Variants in SNX2 observed in about 807,000 individuals in gnomAD.
The protein encoded by SNX2 is sorting nexin-2.
In SNX2, 25 loss-of-function variants were observed where a neutral mutation model predicts 69.9. The ratio of observed to expected loss-of-function variants is 0.36; its 90% CI spans 0.26 to 0.50. SNX2 has a LOEUF of 0.50. Among genes scored for constraint, SNX2 ranks in the 20% least tolerant of loss-of-function variants. The pLI is 0.97. For synonymous variants in SNX2, 229 were observed against 200.4 expected, an observed-to-expected ratio of 1.14 and a Z score of -1.20; for missense variants, 551 against 613.3, an observed-to-expected ratio of 0.90 and a Z score of 1.07.
intron 1 of SNX2, among the ~76,000 whole-genome samples, chr5:122,783,454 G>A (rs576090502): frequency 6.0e-4 from 91 of 152,172 alleles, no homozygotes; most frequent in African/African-American, 2.0e-3. Flanking sequence ...TGTACATTTA[G>A]GATTCATGTT....
chr5:122,817,526 AT>A (rs34164985), intron 10 of SNX2, among the ~76,000 whole-genome samples, 153 bp downstream of exon 10: 30,930 of 151,958 alleles, frequency 0.2, 3,576 homozygotes, highest in East Asian at 0.46. Context: ...TATTATGTAA[AT>A]TTTTTTTGTT....
In SNX2 at chr5:122,795,340, C is replaced by A; in HGVS notation, c.183C>A (p.Pro61=). ...DISANSNGPK[P]TEVVLDDDRE... Reference sequence around the variant, plus strand: ...GTGCAAACTCCAATGGCCCAAAACCCACAGAAGTTGTATTAGATGATGACA... The same window carrying A: ...GTGCAAACTCCAATGGCCCAAAACCAACAGAAGTTGTATTAGATGATGACA... Residue 61 remains proline, a synonymous_variant, in exon 2 of 15, where the codon CCC becomes CCA. Coordinates refer to ENST00000379516, the MANE Select transcript of SNX2 (RefSeq NM_003100.4). 1 of 1,613,762 alleles carries A rather than the reference C, an allele frequency of 6.2e-7. No homozygotes were observed. Among genetic ancestry groups the A allele is most frequent in the East Asian group, 2.2e-5 (1 of 44,832 alleles).
In SNX2 at chr5:122,829,651, A is replaced by G. The variant is rs764676259; in HGVS notation, c.*3A>G. The G allele has an allele frequency of 4.7e-5, 75 of 1,612,734 alleles. No homozygotes were observed. In the Admixed American group the frequency reaches 1.2e-3, roughly 26 times the overall value. On this transcript the variant is annotated 3_prime_UTR_variant, in exon 15 of 15. Transcript: ENST00000379516. The stretch of plus-strand genomic sequence containing the variant: ...CTGAAGCCAAAGCCATTGCCTAGCA[A>G]TAAGATTGTTGCCGTTAAGAAGACC...
At chr5:122,806,413 A>G (rs916468517) in intron 6 of SNX2, among the ~76,000 whole-genome samples, 2 of 152,070 alleles carry the variant, frequency 1.3e-5, no homozygotes, top group Non-Finnish European at 1.5e-5. Context: ...ATGGAAAAAG[A>G]GTCATAACTT....
chr5:122,817,619 TA>T lies in SNX2; in HGVS notation c.1006+254del, dbSNP rs562503560. Among the ~76,000 whole-genome samples, 66 of 151,272 alleles carry T rather than the reference TA, an allele frequency of 4.4e-4. No homozygotes were observed. The South Asian group carries it at 6.2e-3, about 14-fold the overall frequency. On this transcript the variant is annotated intron_variant, in intron 10 of 14. Coordinates refer to ENST00000379516, the MANE Select transcript of SNX2 (RefSeq NM_003100.4). ...TTTGTTAACTGGTACAGATGTGAGC[TA>T]AAAAAAAGAACAAAGAAAACTATAT...
intron 11 of SNX2, among the ~76,000 whole-genome samples, chr5:122,823,717 GGT>G (rs10559761): frequency 0.24 from 35,597 of 149,680 alleles, 4,799 homozygotes; most frequent in East Asian, 0.45. Context: ...TGTGTATGTG[GGT>G]GTGTGTGTGT....
intron 3 of SNX2, among the ~76,000 whole-genome samples, chr5:122,801,652 C>CATGTGTGTGTGTGTGT (rs113836294): frequency 2.5e-4 from 33 of 132,120 alleles, no homozygotes; most frequent in African/African-American, 9.2e-4. Context: ...TGGTCTTTTT[C>CATGTGTGTGTGTGTGT]GTGTGTGTGT....
chr5:122,787,503 G>A (rs1325501138), intron 1 of SNX2, among the ~76,000 whole-genome samples: 1 of 151,980 alleles, frequency 6.6e-6, no homozygotes, highest in Non-Finnish European at 1.5e-5. Context: ...CTGGGGGACA[G>A]AGCAAGACTG....
chr5:122,802,178 G>A (rs1753532187), intron 5 of SNX2, 54 bp downstream of exon 5: 1 of 1,396,044 alleles, frequency 7.2e-7, no homozygotes, highest in African/African-American at 1.4e-5. Flanking sequence ...TGTGTAGTAT[G>A]AGGATATGGC....
intron 1 of SNX2, among the ~76,000 whole-genome samples, chr5:122,790,946 A>C (rs1008327205): frequency 4.6e-5 from 7 of 152,158 alleles, no homozygotes; most frequent in African/African-American, 1.7e-4. Context: ...TCCTGATCTT[A>C]CTGGGGAAGC....
At chr5:122,809,315 G>A (rs1753718335) in intron 7 of SNX2, among the ~76,000 whole-genome samples, 1 of 152,050 alleles carries the variant, frequency 6.6e-6, no homozygotes, top group South Asian at 2.1e-4. Flanking sequence ...GTCCCCCACT[G>A]GTACTGAGGG....
chr5:122,827,513 A>G (rs987727037), intron 13 of SNX2, 54 bp downstream of exon 13: 6 of 1,604,324 alleles, frequency 3.7e-6, no homozygotes, highest in Admixed American at 1.7e-5. Context: ...TTTTGCTGCA[A>G]TTTTGTGGTA....
chr5:122,826,097 T>C lies in SNX2; in HGVS notation c.1260T>C (p.Ala420=). The C allele has an allele frequency of 1.9e-6, 3 of 1,613,262 alleles. No individual in the cohort carries two copies. Among genetic ancestry groups the C allele is most frequent in the South Asian group, 2.2e-5 (2 of 91,056 alleles). Residue 420 remains alanine, a synonymous_variant, in exon 12 of 15, where the codon GCT becomes GCC. Transcript: ENST00000379516. ...RMKCWQKWED[A]QITLLKKREA... ...AGTGCTGGCAGAAATGGGAAGATGC[T>C]CAAATTACTTTGCTCAAAAAACGTG...
chr5:122,785,037 G>A (rs932772774), intron 1 of SNX2, among the ~76,000 whole-genome samples: 1 of 152,138 alleles, frequency 6.6e-6, no homozygotes, highest in South Asian at 2.1e-4. Context: ...TAACATGTTT[G>A]TGGAGTCTGT....
At chr5:122,795,489 G>A (rs1753356602) in intron 2 of SNX2, 106 bp downstream of exon 2, 2 of 732,276 alleles carry the variant, frequency 2.7e-6, no homozygotes. Flanking sequence ...AGTGTTAGTG[G>A]CAGCTCTTGT....
chr5:122,816,819 G>T (rs1340619963), intron 8 of SNX2, 96 bp from the exon 9 acceptor site: 1 of 562,626 alleles, frequency 1.8e-6, no homozygotes, highest in Non-Finnish European at 3.2e-6. Context: ...TTTGTATGTG[G>T]GGGGGAGGGG....
At chr5:122,799,918 A>C in intron 3 of SNX2, 63 bp downstream of exon 3, 1 of 1,267,006 alleles carries the variant, frequency 7.9e-7, no homozygotes, top group Non-Finnish European at 1.1e-6. Flanking sequence ...ACCCAACATC[A>C]CTCTGCTGTT....
At chr5:122,802,186 G>A in intron 5 of SNX2, 62 bp downstream of exon 5, 1 of 1,348,350 alleles carries the variant, frequency 7.4e-7, no homozygotes, top group Non-Finnish European at 1.1e-6. Context: ...ATGAGGATAT[G>A]GCTATGATTA....
At chr5:122,795,563 A>G (rs904699430) in intron 2 of SNX2, 180 bp downstream of exon 2, 7 of 496,216 alleles carry the variant, frequency 1.4e-5, no homozygotes, top group African/African-American at 1.2e-4. Flanking sequence ...GACTGTCCAG[A>G]GAAGCAAAAA....
Sources: gnomAD v4.1 joint callset for allele counts (sites outside exome capture counted in the v4.1 genomes callset) on GRCh38, gnomAD v4.1.1 for gene constraint, MANE v1.5 for transcripts, NCBI Gene and HGNC (gene_info 2026-07-23, HGNC 2026-07-21) for gene names.